Variants in MCM9 observed in about 807,000 individuals in gnomAD.
The protein encoded by MCM9 is DNA helicase MCM9.
Under a neutral mutation model 72.8 loss-of-function variants are expected in MCM9, and 55 were observed. The ratio of observed to expected loss-of-function variants is 0.76; its 90% CI spans 0.61 to 0.95. MCM9 has a LOEUF of 0.95. Among genes scored for constraint, MCM9 ranks in the 40% least tolerant of loss-of-function variants. MCM9 has a pLI of 0.00. For missense variants in MCM9, 1,279 were observed against 1,377.0 expected (o/e 0.93, Z 1.13); for synonymous variants, 480 against 503.4 (o/e 0.95, Z 0.62).
Position 118,826,132 on chromosome 6 carries a change from G to A in MCM9, c.1961+15C>T, listed in dbSNP as rs534683402. On this transcript the variant is annotated intron_variant, in intron 13 of 13. Coordinates refer to ENST00000619706, the MANE Select transcript of MCM9 (RefSeq NM_017696.3). ...GATTTTCCATTGTATGCCTTTCTGG[G>A]TTTTCATTCCTCACCTTTCAAGTCT... The A allele has an allele frequency of 1.8e-5, 28 of 1,542,030 alleles. No individual in the cohort carries two copies. In the African/African-American group the frequency reaches 3.4e-4, roughly 19 times the overall value.
At chr6:118,864,552 C>G in intron 8 of MCM9, among the ~76,000 whole-genome samples, 1 of 151,976 alleles carries the variant, frequency 6.6e-6, no homozygotes, top group Non-Finnish European at 1.5e-5. Context: ...CTCCTACACA[C>G]TGGGCGACTA....
chr6:118,896,344 G>A (rs1779411669), intron 8 of MCM9, among the ~76,000 whole-genome samples: 1 of 152,032 alleles, frequency 6.6e-6, no homozygotes, highest in African/African-American at 2.4e-5. Flanking sequence ...ATACCACACT[G>A]TTTTTCAGAT....
chr6:118,901,526 T>C (rs941745483), intron 8 of MCM9, among the ~76,000 whole-genome samples: 15 of 152,190 alleles, frequency 9.9e-5, no homozygotes, highest in Admixed American at 6.5e-5. Flanking sequence ...TTTCTAGTAA[T>C]AAAAATTTTG....
At chr6:118,843,690 A>ATATATATATGTG (rs1775635611) in intron 9 of MCM9, among the ~76,000 whole-genome samples, 4 of 29,914 alleles carry the variant, frequency 1.3e-4, no homozygotes, top group South Asian at 1.4e-3. Context: ...ATATATGTGT[A>ATATATATATGTG]TATATATATA....
At chr6:118,913,673 C>T (rs1780720583) in intron 6 of MCM9, among the ~76,000 whole-genome samples, 1 of 152,198 alleles carries the variant, frequency 6.6e-6, no homozygotes, top group Non-Finnish European at 1.5e-5. Flanking sequence ...GATCATAGCT[C>T]ATTGCAGCCT....
intron 8 of MCM9, among the ~76,000 whole-genome samples, chr6:118,877,411 T>C (rs1021991707): frequency 4.6e-5 from 7 of 152,132 alleles, no homozygotes; most frequent in Non-Finnish European, 8.8e-5. Context: ...AGGTATTTCA[T>C]GAAAGAGAAA....
At chr6:118,856,589 A>G in intron 8 of MCM9, 44 bp from the exon 9 acceptor site, 1 of 1,530,642 alleles carries the variant, frequency 6.5e-7, no homozygotes, top group South Asian at 1.2e-5. Context: ...TTTCAAAAGC[A>G]TTATCTTGAC....
intron 8 of MCM9, among the ~76,000 whole-genome samples, chr6:118,880,003 G>C (rs1003945706): frequency 1.3e-5 from 2 of 151,628 alleles, no homozygotes; most frequent in Admixed American, 6.6e-5. Context: ...CTGCACTCCA[G>C]CCTGGGCGAC....
chr6:118,888,628 A>G (rs897265121), intron 8 of MCM9, among the ~76,000 whole-genome samples: 8 of 152,076 alleles, frequency 5.3e-5, no homozygotes, highest in Non-Finnish European at 1.2e-4. Flanking sequence ...ATTTGTACAC[A>G]TATGTTAATA....
intron 8 of MCM9, among the ~76,000 whole-genome samples, chr6:118,869,087 A>T (rs974049885): frequency 6.6e-6 from 1 of 152,068 alleles, no homozygotes; most frequent in African/African-American, 2.4e-5. Context: ...TGCAGCCATA[A>T]AAAAGGATGA....
At chr6:118,835,667 A>G (rs531922520) in intron 9 of MCM9, among the ~76,000 whole-genome samples, 77 of 152,304 alleles carry the variant, frequency 5.1e-4, no homozygotes, top group African/African-American at 1.8e-3. Flanking sequence ...TTACTGGTGT[A>G]TAGCAATGCT....
intron 13 of MCM9, among the ~76,000 whole-genome samples, chr6:118,820,652 G>A (rs1055339029): frequency 5.3e-5 from 8 of 152,170 alleles, no homozygotes; most frequent in Non-Finnish European, 1.0e-4. Context: ...TTTGTCTACA[G>A]CTGAGTTCAA....
Position 118,829,389 on chromosome 6 carries a change from G to A in MCM9, c.1326-139C>T, listed in dbSNP as rs192605101. 1.3e-4 allele frequency: 95 copies of A among 740,534 alleles called. No individual in the cohort carries two copies. In the East Asian group the frequency reaches 2.2e-3, roughly 17 times the overall value. 45.9% of individuals were successfully genotyped at this position (740,534 alleles called of 1,614,324 possible). A position where few individuals can be genotyped will look rare whatever the true frequency, so the allele number is the denominator to read the frequency against. On this transcript the variant is annotated intron_variant, in intron 9 of 13. Coordinates refer to ENST00000619706, the MANE Select transcript of MCM9 (RefSeq NM_017696.3). Reference sequence around the variant, plus strand: ...GAAAGAAAATGTAGAATGACAGAAGGAGATATCACAAACATCAACTTCCAA... The same window carrying A: ...GAAAGAAAATGTAGAATGACAGAAGAAGATATCACAAACATCAACTTCCAA...
chr6:118,824,118 C>T (rs1474422409), intron 13 of MCM9, among the ~76,000 whole-genome samples: 1 of 139,528 alleles, frequency 7.2e-6, no homozygotes, highest in Non-Finnish European at 1.5e-5. Flanking sequence ...GTGGCACGAT[C>T]ACGGCTCACT....
intron 9 of MCM9, among the ~76,000 whole-genome samples, chr6:118,851,430 C>A (rs1776218814): frequency 3.3e-5 from 5 of 151,706 alleles, no homozygotes; most frequent in Non-Finnish European, 7.3e-5. Context: ...ATCATAATTA[C>A]ATGGTTATGT....
intron 8 of MCM9, among the ~76,000 whole-genome samples, chr6:118,874,201 G>A (rs1265477978): frequency 6.6e-6 from 1 of 152,138 alleles, no homozygotes; most frequent in South Asian, 2.1e-4. Flanking sequence ...GTTGCAGCGA[G>A]CCAAGACTGA....
chr6:118,822,718 C>T (rs755294141), intron 13 of MCM9, among the ~76,000 whole-genome samples: 2 of 152,188 alleles, frequency 1.3e-5, no homozygotes, highest in Non-Finnish European at 2.9e-5. Flanking sequence ...GCTGAAGCAA[C>T]ACCCACAGCT....
intron 9 of MCM9, among the ~76,000 whole-genome samples, chr6:118,842,582 C>T (rs1297804177): frequency 2.0e-5 from 3 of 152,114 alleles, no homozygotes; most frequent in Non-Finnish European, 4.4e-5. Context: ...TGCAGTGGTC[C>T]AATCATAGCT....
chr6:118,869,620 G>GCCAAAATAAAA (rs1777467972), intron 8 of MCM9, among the ~76,000 whole-genome samples: 1 of 49,286 alleles, frequency 2.0e-5, no homozygotes, highest in East Asian at 6.3e-4. Flanking sequence ...AAAAAAAAAA[G>GCCAAAATAAAA]AAGCCAATTT....
Sources: allele counts gnomAD v4.1 joint callset (sites outside exome capture counted in the v4.1 genomes callset), GRCh38; gene constraint gnomAD v4.1.1; transcripts MANE v1.5; gene names NCBI Gene and HGNC (gene_info 2026-07-23, HGNC 2026-07-21).